The following CALN1 variants were observed in gnomAD, a reference collection of about 807,000 sequenced individuals.
CALN1 encodes the protein calcium-binding protein 8.
In CALN1, 17 loss-of-function variants were observed where a neutral mutation model predicts 30.6. That is an observed-to-expected ratio of 0.56 (90% confidence interval 0.38 to 0.83). The LOEUF (loss-of-function observed/expected upper bound fraction) is 0.83, where lower values mean the gene tolerates loss of function less well. Ranked by LOEUF, CALN1 falls within the 40% of genes least tolerant of loss-of-function variation. The pLI is 0.00. For missense variants in CALN1, 291 were observed against 354.9 expected, an observed-to-expected ratio of 0.82 and a Z score of 1.45; for synonymous variants, 156 against 131.4, an observed-to-expected ratio of 1.19 and a Z score of -1.28.
At chr7:72,284,474 T>C (rs1290290130) in intron 2 of CALN1, among the ~76,000 whole-genome samples, 1 of 151,560 alleles carries the variant, frequency 6.6e-6, no homozygotes, top group Non-Finnish European at 1.5e-5. Context: ...AGGTTAACTT[T>C]TGAATTGGTA....
chr7:71,820,742 A>C (rs1191835230), intron 5 of CALN1, among the ~76,000 whole-genome samples: 2 of 152,180 alleles, frequency 1.3e-5, no homozygotes, highest in Non-Finnish European at 2.9e-5. Context: ...ATTTTTATCC[A>C]CTAAAACATT....
chr7:72,314,841 AAAAAAAAAAAC>A (rs1303138352), intron 2 of CALN1, among the ~76,000 whole-genome samples: 1 of 73,534 alleles, frequency 1.4e-5, no homozygotes, highest in Non-Finnish European at 3.7e-5. Context: ...ATTTTGTTAA[AAAAAAAAAAAC>A]AAAAAAAACT....
chr7:72,175,592 A>T (rs190627268), intron 3 of CALN1, among the ~76,000 whole-genome samples: 1 of 152,218 alleles, frequency 6.6e-6, no homozygotes, highest in East Asian at 1.9e-4. Context: ...CAATTTCCTA[A>T]CCAGGAAGAA....
intron 3 of CALN1, among the ~76,000 whole-genome samples, chr7:72,246,753 A>ATTTTTTTTTTTTTTTT (rs58282615): frequency 1.7e-5 from 2 of 116,572 alleles, no homozygotes; most frequent in Non-Finnish European, 3.4e-5. Flanking sequence ...TACCAGAACA[A>ATTTTTTTTTTTTTTTT]TTTTTTTTTT....
intron 5 of CALN1, among the ~76,000 whole-genome samples, chr7:71,987,850 G>C (rs528183845): frequency 6.6e-6 from 1 of 152,198 alleles, no homozygotes; most frequent in Non-Finnish European, 1.5e-5. Context: ...ATCTTTTTTA[G>C]TGTTGGGCAT....
intron 2 of CALN1, among the ~76,000 whole-genome samples, chr7:72,354,049 T>C (rs1331487869): frequency 2.0e-5 from 3 of 152,004 alleles, no homozygotes; most frequent in African/African-American, 7.2e-5. Context: ...TAGCCAGGCG[T>C]GGTGGTGGGC....
the CALN1 span, among the ~76,000 whole-genome samples, chr7:72,484,645 G>T: frequency 6.6e-6 from 1 of 152,072 alleles, no homozygotes; most frequent in African/African-American, 2.4e-5. Context: ...GCTTCTGTCT[G>T]GTGCTTAGTC....
intron 2 of CALN1, among the ~76,000 whole-genome samples, chr7:72,401,066 C>T (rs1175731802): frequency 6.6e-6 from 1 of 152,226 alleles, no homozygotes; most frequent in Admixed American, 6.5e-5. Flanking sequence ...CCCTGGTGCC[C>T]GTTTTTGCTA....
intron 2 of CALN1, among the ~76,000 whole-genome samples, chr7:72,369,388 A>G (rs1406828408): frequency 8.2e-6 from 1 of 121,832 alleles, no homozygotes; most frequent in Non-Finnish European, 1.7e-5. Flanking sequence ...TTTGAGATGG[A>G]GTTTCACTCT....
chr7:72,416,276 T>C (rs1159863064), upstream of CALN1, among the ~76,000 whole-genome samples: 1 of 152,170 alleles, frequency 6.6e-6, no homozygotes, highest in Non-Finnish European at 1.5e-5. Context: ...TAATTAGAAG[T>C]GGGTATAAAT....
chr7:72,246,161 A>C (rs1795145466), intron 3 of CALN1, among the ~76,000 whole-genome samples: 1 of 152,184 alleles, frequency 6.6e-6, no homozygotes, highest in South Asian at 2.1e-4. Flanking sequence ...GGGATGAAGG[A>C]ATCAACTCCT....
chr7:72,415,725 G>A (rs1187833961), upstream of CALN1, among the ~76,000 whole-genome samples: 1 of 152,222 alleles, frequency 6.6e-6, no homozygotes, highest in Non-Finnish European at 1.5e-5. Flanking sequence ...AATGCTGGAA[G>A]CCTGAGCGGT....
At chr7:72,286,121 AAC>A (rs1332553744) in intron 2 of CALN1, among the ~76,000 whole-genome samples, 1 of 152,222 alleles carries the variant, frequency 6.6e-6, no homozygotes, top group Non-Finnish European at 1.5e-5. Context: ...GAGACGGAAT[AAC>A]AGAGTCAGAT....
intron 3 of CALN1, among the ~76,000 whole-genome samples, chr7:72,153,554 T>C (rs1445491313): frequency 2.0e-5 from 3 of 150,766 alleles, no homozygotes; most frequent in East Asian, 3.9e-4. Flanking sequence ...GATGGTGGTA[T>C]GTGCCTACAG....
At chr7:71,913,484 A>G (rs1015384586) in intron 5 of CALN1, among the ~76,000 whole-genome samples, 6 of 152,212 alleles carry the variant, frequency 3.9e-5, no homozygotes, top group Admixed American at 1.3e-4. Flanking sequence ...GCTTCTCTCT[A>G]TGTATAAGAA....
intron 1 of CALN1, among the ~76,000 whole-genome samples, chr7:72,423,416 AG>A (rs1433419600): frequency 6.6e-6 from 1 of 152,182 alleles, no homozygotes; most frequent in Non-Finnish European, 1.5e-5. Context: ...GCAGGGCAGG[AG>A]GTTTTCCTCC....
intron 3 of CALN1, among the ~76,000 whole-genome samples, chr7:72,255,588 A>G (rs1348015526): frequency 6.7e-6 from 1 of 149,784 alleles, no homozygotes; most frequent in East Asian, 2.0e-4. Flanking sequence ...TAGTATTTTT[A>G]TATTTTTAGT....
intron 2 of CALN1, among the ~76,000 whole-genome samples, chr7:72,399,329 G>C (rs1806186941): frequency 7.3e-6 from 1 of 136,654 alleles, no homozygotes; most frequent in South Asian, 2.4e-4. Flanking sequence ...GGAGTGCAGT[G>C]GCGCGATCTT....
At chr7:71,816,794 C>A (rs191086751) in intron 5 of CALN1, among the ~76,000 whole-genome samples, 52 of 152,030 alleles carry the variant, frequency 3.4e-4, no homozygotes, top group African/African-American at 1.2e-3. Flanking sequence ...ATGGTGAAAC[C>A]CTGTCTCTAC....
Sources: gnomAD v4.1 joint callset for allele counts (sites outside exome capture counted in the v4.1 genomes callset) on GRCh38, gnomAD v4.1.1 for gene constraint, MANE v1.5 for transcripts, NCBI Gene and HGNC (gene_info 2026-07-23, HGNC 2026-07-21) for gene names.